Variants in PLA2R1 observed in about 807,000 individuals in gnomAD.
The protein encoded by PLA2R1 is phospholipase A2 receptor 1.
PLA2R1 carries 158 observed loss-of-function variants against 195.9 expected under a neutral mutation model. The observed-to-expected ratio is 0.81, with a 90% CI of 0.71 to 0.92. The LOEUF (loss-of-function observed/expected upper bound fraction) is 0.92. Among genes scored for constraint, PLA2R1 ranks in the 40% least tolerant of loss-of-function variants. The pLI, the probability that PLA2R1 is intolerant of heterozygous loss-of-function variation, is 0.00. For missense variants in PLA2R1, 1,626 were observed against 1,764.6 expected, an observed-to-expected ratio of 0.92 and a Z score of 1.41; for synonymous variants, 586 against 598.2, an observed-to-expected ratio of 0.98 and a Z score of 0.30.
intron 4 of PLA2R1, among the ~76,000 whole-genome samples, chr2:160,030,904 T>C (rs777824808): frequency 4.6e-5 from 7 of 152,220 alleles, no homozygotes; most frequent in Admixed American, 1.3e-4. Context: ...TTTTTTTAAA[T>C]GGTTATTCAA....
intron 7 of PLA2R1, among the ~76,000 whole-genome samples, chr2:160,022,241 C>T (rs1693182267): frequency 6.6e-6 from 1 of 152,114 alleles, no homozygotes; most frequent in African/African-American, 2.4e-5. Context: ...TGAACATCAC[C>T]TCACCAAATA....
chr2:160,005,591 G>T, intron 11 of PLA2R1, 61 bp downstream of exon 11: 1 of 1,433,338 alleles, frequency 7.0e-7, no homozygotes, highest in Non-Finnish European at 9.7e-7. Context: ...GGGCCAAGGG[G>T]TGGAAGGAAT....
Position 160,013,685 on chromosome 2 carries a change from CTCTCTCTCTCTCTCTCTG to C in PLA2R1, c.1552-328_1552-311del, listed in dbSNP as rs769673556. 2.5e-3 allele frequency among the ~76,000 whole-genome samples: 349 copies of C among 137,284 alleles called. 3 individuals carry two copies. The highest frequency in any genetic ancestry group is 7.3e-3 in the African/African-American group (264 of 35,932). 90.1% of individuals were successfully genotyped at this position (137,284 alleles called of 152,430 possible). A position where few individuals can be genotyped will look rare whatever the true frequency, so the allele number is the denominator to read the frequency against. ...TCTCTACCTCTCTCTTTCTCTCTCT[CTCTCTCTCTCTCTCTCTG>C]TCTCTCTCTCTCTCTCTCTGTGTGT... On this transcript the variant is annotated intron_variant, in intron 9 of 29. Transcript: ENST00000283243.
At chr2:159,944,642 T>A (rs553414982) in intron 28 of PLA2R1, among the ~76,000 whole-genome samples, 2 of 152,300 alleles carry the variant, frequency 1.3e-5, no homozygotes, top group East Asian at 3.9e-4. Context: ...GGAAAATGAT[T>A]TTTTGCCCAT....
intron 1 of PLA2R1, among the ~76,000 whole-genome samples, chr2:160,047,349 C>A (rs945808441): frequency 2.0e-5 from 3 of 152,172 alleles, no homozygotes; most frequent in Non-Finnish European, 4.4e-5. Flanking sequence ...TGGGAGCTAT[C>A]ATTATTACTT....
chr2:159,961,416 A>G (rs536765613), intron 20 of PLA2R1, among the ~76,000 whole-genome samples: 4 of 152,330 alleles, frequency 2.6e-5, no homozygotes, highest in Non-Finnish European at 4.4e-5. Context: ...GGATGCCTGG[A>G]TCCCATGCAG....
chr2:160,046,474 T>C (rs1694882592), intron 1 of PLA2R1, among the ~76,000 whole-genome samples: 1 of 152,196 alleles, frequency 6.6e-6, no homozygotes, highest in South Asian at 2.1e-4. Flanking sequence ...GGCCTCCTCA[T>C]GGATCCACGA....
chr2:159,945,961 G>C, intron 27 of PLA2R1: 27 of 945,126 alleles, frequency 2.9e-5, no homozygotes, highest in Non-Finnish European at 3.3e-5. Flanking sequence ...AAAACTAATC[G>C]AGTAAAGAAA....
chr2:159,938,146 AC>A lies in PLA2R1; in HGVS notation c.*3631del, dbSNP rs1686920871. The stretch of plus-strand genomic sequence containing the variant: ...TTAGGCATGTGTCCCCAGTTTGAGG[AC>A]TTTTGACTTAGAGGATTTCAACAGC... On this transcript the variant is annotated 3_prime_UTR_variant, in exon 30 of 30. Transcript: ENST00000283243. The A allele has an allele frequency of 6.6e-6, 1 of 152,220 alleles. No individual in the cohort carries two copies. The highest frequency in any genetic ancestry group is 1.9e-4 in the East Asian group (1 of 5,200). The allele number at this position is 152,220 out of a possible 1,614,324, so 9.4% of individuals were successfully genotyped here.
intron 11 of PLA2R1, among the ~76,000 whole-genome samples, chr2:160,005,072 G>T (rs1214908816): frequency 6.6e-6 from 1 of 152,162 alleles, no homozygotes; most frequent in Admixed American, 6.5e-5. Flanking sequence ...GGAGAAGCTG[G>T]ACTTGCTGCT....
In PLA2R1 at chr2:159,969,292, G is replaced by A; in HGVS notation, c.2728C>T (p.Gln910Ter). 1 of 1,606,848 alleles carries A rather than the reference G, an allele frequency of 6.2e-7. No homozygotes were observed. The highest frequency in any genetic ancestry group is 8.5e-7 in the Non-Finnish European group (1 of 1,173,728). The change falls in exon 19 of 30, where the codon CAG becomes TAG. Residue 910 changes from glutamine to a stop codon, truncating the protein, a stop_gained. Coordinates refer to ENST00000283243, the MANE Select transcript of PLA2R1 (RefSeq NM_007366.5). LOFTEE classifies it high-confidence loss of function. ...DTGRERTVNN[Q>*]SQRCGFISSI... ...GAAATAAAGCCACATCTCTGGCTCT[G>A]ATTATTCACAGTTCTTTCTCTTCCT...
intron 10 of PLA2R1, among the ~76,000 whole-genome samples, chr2:160,008,677 C>T (rs77322548): frequency 0.03 from 4,550 of 152,100 alleles, 244 homozygotes; most frequent in African/African-American, 0.1. Context: ...GCACAGGCAA[C>T]GGAATAAGAA....
chr2:159,924,152 C>T, the PLA2R1 span, among the ~76,000 whole-genome samples: 2 of 152,162 alleles, frequency 1.3e-5, no homozygotes, highest in Admixed American at 1.3e-4. Context: ...CTTCAAATCC[C>T]TCTCTGGCCC....
chr2:159,958,380 G>C (rs1430144973), intron 20 of PLA2R1, among the ~76,000 whole-genome samples: 1 of 152,110 alleles, frequency 6.6e-6, no homozygotes, highest in Non-Finnish European at 1.5e-5. Flanking sequence ...TGTACAGCCT[G>C]CAGAACTGTA....
In PLA2R1 at chr2:160,028,205, T is replaced by C. The variant is rs746021578; in HGVS notation, c.1099+13A>G. 1.1e-5 allele frequency: 17 copies of C among 1,557,852 alleles called. No homozygotes were observed. The South Asian group carries it at 2.1e-4, about 19-fold the overall frequency. ...AACAACACCTAAGAACAACTTAAAA[T>C]AAAAACGCTTACCAACTATTTCATG... On this transcript the variant is annotated intron_variant, in intron 6 of 29. Coordinates refer to ENST00000283243, the MANE Select transcript of PLA2R1 (RefSeq NM_007366.5).
intron 1 of PLA2R1, among the ~76,000 whole-genome samples, chr2:160,056,397 C>T (rs757577521): frequency 1.3e-5 from 2 of 152,152 alleles, no homozygotes; most frequent in African/African-American, 2.4e-5. Flanking sequence ...TCCCTGACCT[C>T]CTCTGCTGTG....
intron 8 of PLA2R1, among the ~76,000 whole-genome samples, chr2:160,018,986 C>T (rs1663856570): frequency 6.6e-6 from 1 of 152,364 alleles, no homozygotes; most frequent in Admixed American, 6.5e-5. Flanking sequence ...CAAATCCCAA[C>T]AACCCCCTAA....
At chr2:159,991,904 A>C in intron 11 of PLA2R1, among the ~76,000 whole-genome samples, 3 of 102,966 alleles carry the variant, frequency 2.9e-5, no homozygotes, top group Admixed American at 1.1e-4. Context: ...TGCTATTGTG[A>C]ATAATGCCAC....
At position 159,976,086 on chromosome 2, in the gene PLA2R1, G is replaced by A. The variant is rs200445803; in HGVS notation, c.2577C>T (p.Ile859=). 42 of 1,612,692 alleles carry A rather than the reference G, an allele frequency of 2.6e-5. No homozygotes were observed. In the Admixed American group the frequency reaches 7.0e-4, roughly 27 times the overall value. ...TIHSAHEQEF[I]HSKIKALSKY... Reference sequence around the variant, plus strand: ...CAAGTACCGCTTTTATTTTGCTGTGGATGAATTCTTGCTCATGTGCAGAAT... The same window carrying A: ...CAAGTACCGCTTTTATTTTGCTGTGAATGAATTCTTGCTCATGTGCAGAAT... Residue 859 remains isoleucine, a synonymous_variant, in exon 17 of 30, where the codon ATC becomes ATT. Coordinates refer to ENST00000283243, the MANE Select transcript of PLA2R1 (RefSeq NM_007366.5).
Sources: allele counts gnomAD v4.1 joint callset (sites outside exome capture counted in the v4.1 genomes callset), GRCh38; gene constraint gnomAD v4.1.1; transcripts MANE v1.5; gene names NCBI Gene and HGNC (gene_info 2026-07-23, HGNC 2026-07-21).